Variants in DOT1L observed in about 807,000 individuals in gnomAD.
The protein encoded by DOT1L is histone-lysine N-methyltransferase, H3 lysine-79 specific.
Under a neutral mutation model 153.3 loss-of-function variants are expected in DOT1L, and 33 were observed. The ratio of observed to expected loss-of-function variants is 0.22; its 90% CI spans 0.16 to 0.29. DOT1L has a LOEUF of 0.29. Ranked by LOEUF, DOT1L falls within the 10% of genes least tolerant of loss-of-function variation. DOT1L has a pLI of 1.00. For synonymous variants in DOT1L, 1,135 were observed against 965.1 expected (o/e 1.18, Z -3.26); for missense variants, 1,847 against 2,119.9 (o/e 0.87, Z 2.53).
chr19:2,187,884 C>T (rs182290674), intron 3 of DOT1L, among the ~76,000 whole-genome samples: 2,345 of 149,342 alleles, frequency 0.016, 22 homozygotes, highest in South Asian at 0.021. Flanking sequence ...ATCGCGCCAC[C>T]GCACTCCAGC....
At chr19:2,201,480 C>G (rs950784980) in intron 8 of DOT1L, among the ~76,000 whole-genome samples, 1 of 152,186 alleles carries the variant, frequency 6.6e-6, no homozygotes, top group Non-Finnish European at 1.5e-5. Context: ...GTTGAGTGTC[C>G]CCCATGGGCA....
intron 25 of DOT1L, 132 bp downstream of exon 25, chr19:2,223,618 G>T (rs867266587): frequency 2.9e-5 from 32 of 1,101,868 alleles, no homozygotes; most frequent in South Asian, 6.5e-5. Flanking sequence ...TGGGAGGAAG[G>T]CGTCTGTTTT....
At chr19:2,170,498 G>A (rs1036108441) in intron 1 of DOT1L, among the ~76,000 whole-genome samples, 2 of 152,118 alleles carry the variant, frequency 1.3e-5, no homozygotes, top group African/African-American at 4.8e-5. Flanking sequence ...ACGGGTACCC[G>A]GGGATTCATC....
intron 1 of DOT1L, among the ~76,000 whole-genome samples, chr19:2,178,232 A>ATT (rs554757647): frequency 1.4e-4 from 18 of 124,972 alleles, no homozygotes; most frequent in Middle Eastern, 4.3e-3. Flanking sequence ...ATGCCTGGCC[A>ATT]TTTTTTTTTT....
At chr19:2,175,200 G>A (rs1335544477) in intron 1 of DOT1L, among the ~76,000 whole-genome samples, 2 of 152,018 alleles carry the variant, frequency 1.3e-5, no homozygotes, top group Non-Finnish European at 2.9e-5. Flanking sequence ...GGGTTTCACT[G>A]TGTTAGCCAG....
chr19:2,187,879 G>C (rs371534234), intron 3 of DOT1L, among the ~76,000 whole-genome samples: 4 of 147,438 alleles, frequency 2.7e-5, no homozygotes, highest in Non-Finnish European at 5.9e-5. Context: ...CTGAGATCGC[G>C]CCACCGCACT....
At position 2,230,458 on chromosome 19, in the gene DOT1L, G is replaced by A. The variant is rs1263466039; in HGVS notation, c.*666G>A. 7.5e-6 allele frequency: 3 copies of A among 399,290 alleles called. No individual in the cohort carries two copies. Among genetic ancestry groups the A allele is most frequent in the Non-Finnish European group, 1.3e-5 (3 of 226,656 alleles). 24.7% of individuals were successfully genotyped at this position (399,290 alleles called of 1,614,324 possible). On this transcript the variant is annotated 3_prime_UTR_variant, in exon 28 of 28. Transcript: ENST00000398665. ...CGCCCTTGCATGTGAAGGGGCCTGC[G>A]CGGTGACGCAGCTGGCCATGTGCTG...
rs752424867 is a variant in DOT1L at position 2,214,607 on chromosome 19, C to T, written c.1923+11C>T. On this transcript the variant is annotated intron_variant, in intron 19 of 27. Coordinates refer to ENST00000398665, the MANE Select transcript of DOT1L (RefSeq NM_032482.3). ...TGCCTGGAGCTGCAGGTGGGCTGCGCGCGAGGCTGCACTCCGTGGTGTCCG... is the reference window on the plus strand; with the variant it reads ...TGCCTGGAGCTGCAGGTGGGCTGCGTGCGAGGCTGCACTCCGTGGTGTCCG... 15 of 1,610,734 alleles carry T rather than the reference C, an allele frequency of 9.3e-6. No individual in the cohort carries two copies. Among genetic ancestry groups the T allele is most frequent in the Middle Eastern group, 1.7e-4 (1 of 6,012 alleles).
At position 2,204,089 on chromosome 19, in the gene DOT1L, G is replaced by T. The variant is rs2023397891; in HGVS notation, c.787+1310G>T. ...CAACCTGGGGGTTTGGAGGGTGCTT[G>T]TGTGCCTGTGTCTGTGTGTGCGTGT... On this transcript the variant is annotated intron_variant, in intron 9 of 27. Transcript: ENST00000398665. The surrounding 1 kb of genome is among the most constrained non-coding windows in gnomAD (Gnocchi z 5.7). Among the ~76,000 whole-genome samples, 1 of 152,204 alleles carries T rather than the reference G, an allele frequency of 6.6e-6. No individual in the cohort carries two copies. Among genetic ancestry groups the T allele is most frequent in the Non-Finnish European group, 1.5e-5 (1 of 68,028 alleles).
intron 25 of DOT1L, among the ~76,000 whole-genome samples, chr19:2,224,190 C>T (rs1227220954): frequency 6.6e-6 from 1 of 152,216 alleles, no homozygotes; most frequent in Non-Finnish European, 1.5e-5. Context: ...GCTAGGCTTG[C>T]TTACCCTGGG....
rs1390125508 is a variant in DOT1L, at chr19:2,223,297, A to G, written c.3407A>G (p.Gln1136Arg). The change falls in exon 25 of 28, where the codon CAG becomes CGG. Residue 1136 changes from glutamine (Q) to arginine (R), a missense_variant. Physicochemically the swap from Gln to Arg is conservative, Grantham distance 43. Coordinates refer to ENST00000398665, the MANE Select transcript of DOT1L (RefSeq NM_032482.3). ...TGCCCTCAGGTCAGTAACATCAACC[A>G]GCCCCTGGAGATTACAGCCATCTCG... ...NLNSMVSNIN[Q>R]PLEITAISSP... 1 of 1,613,550 alleles carries G rather than the reference A, an allele frequency of 6.2e-7. No individual in the cohort carries two copies. The highest frequency in any genetic ancestry group is 8.5e-7 in the Non-Finnish European group (1 of 1,179,940).
chr19:2,174,144 G>A (rs555996815), intron 1 of DOT1L, among the ~76,000 whole-genome samples: 1 of 152,210 alleles, frequency 6.6e-6, no homozygotes, highest in South Asian at 2.1e-4. Context: ...TTGCACATGG[G>A]CTAGTTATTA....
intron 1 of DOT1L, among the ~76,000 whole-genome samples, chr19:2,178,714 C>G (rs1462477785): frequency 6.6e-6 from 1 of 151,804 alleles, no homozygotes; most frequent in African/African-American, 2.4e-5. Flanking sequence ...AGCTACCGCG[C>G]CCGGCCACGC....
At chr19:2,223,547 AC>A in intron 25 of DOT1L, 61 bp downstream of exon 25, 3 of 226,824 alleles carry the variant, frequency 1.3e-5, no homozygotes, top group Non-Finnish European at 2.5e-5. Flanking sequence ...GTGCCTGCTC[AC>A]TGTGTGTGTG....
In DOT1L at chr19:2,185,912, T is replaced by A. The variant is rs2022483480; in HGVS notation, c.183T>A (p.Ile61=). 8.1e-6 allele frequency: 13 copies of A among 1,614,146 alleles called. No homozygotes were observed. The highest frequency in any genetic ancestry group is 1.1e-5 in the Non-Finnish European group (13 of 1,180,010). Residue 61 remains isoleucine (I), a synonymous_variant, in exon 3 of 28, where the codon ATT becomes ATA. Transcript: ENST00000398665. The part of the protein sequence containing the change: ...LKLAMENYVL[I]DYDTKSFESM... ...TCGCTATGGAGAATTACGTTTTAAT[T>A]GACTATGACACCAAAAGGTAAGCAG...
chr19:2,231,733 C>CG lies in DOT1L; in HGVS notation c.*1942dup. ...CCACAGGGTTGATGGCAGAGACGGC[C>CG]GAGTCCCTGGTCTAGAACAAGACAC... On this transcript the variant is annotated 3_prime_UTR_variant, in exon 28 of 28. Transcript: ENST00000398665. The CG allele has an allele frequency of 4.7e-6, 1 of 213,346 alleles. No individual in the cohort carries two copies. Among genetic ancestry groups the CG allele is most frequent in the South Asian group, 1.9e-4 (1 of 5,354 alleles). The allele number at this position is 213,346 out of a possible 1,614,324, so 13.2% of individuals were successfully genotyped here. A position where few individuals can be genotyped will look rare whatever the true frequency, so the allele number is the denominator to read the frequency against.
rs1355342664 is a variant in DOT1L, at chr19:2,211,095, C to T, written c.1352-4C>T. ...GTGCTGACGCCTGCCCTCCGCTCTCCCAGATGCCTACAGATCCCCTCACAG... is the reference window on the plus strand; with the variant it reads ...GTGCTGACGCCTGCCCTCCGCTCTCTCAGATGCCTACAGATCCCCTCACAG... On this transcript the variant is annotated splice_polypyrimidine_tract_variant and splice_region_variant and intron_variant, in intron 14 of 27. Coordinates refer to ENST00000398665, the MANE Select transcript of DOT1L (RefSeq NM_032482.3). 3.7e-6 allele frequency: 6 copies of T among 1,611,852 alleles called. No individual in the cohort carries two copies. Among genetic ancestry groups the T allele is most frequent in the Non-Finnish European group, 5.1e-6 (6 of 1,178,872 alleles).
chr19:2,229,775 C>G lies in DOT1L; in HGVS notation c.4607-10C>G. Reference sequence around the variant, plus strand: ...CCTCAGGCCGCTCTTCCCGCTGTGCCCTTCTGCAGGTAACTAGGATTTCTA... The same window carrying G: ...CCTCAGGCCGCTCTTCCCGCTGTGCGCTTCTGCAGGTAACTAGGATTTCTA... On this transcript the variant is annotated splice_polypyrimidine_tract_variant and intron_variant, in intron 27 of 27. Transcript: ENST00000398665. 6.2e-7 allele frequency: 1 copy of G among 1,613,318 alleles called. No homozygotes were observed. Among genetic ancestry groups the G allele is most frequent in the Non-Finnish European group, 8.5e-7 (1 of 1,179,950 alleles).
At chr19:2,227,979 G>C in intron 27 of DOT1L, 1 of 1,221,872 alleles carries the variant, frequency 8.2e-7, no homozygotes. Flanking sequence ...GGGGCCGCCC[G>C]TCCTCCACGC....
Sources: allele counts gnomAD v4.1 joint callset (sites outside exome capture counted in the v4.1 genomes callset), GRCh38; gene constraint gnomAD v4.1.1; non-coding constraint Gnocchi (gnomAD v3.1); transcripts MANE v1.5; gene names NCBI Gene and HGNC (gene_info 2026-07-23, HGNC 2026-07-21).